Variants in CCL24 observed in about 807,000 individuals in gnomAD.
CCL24 encodes the protein C-C motif chemokine 24.
In CCL24, 6 loss-of-function variants were observed where a neutral mutation model predicts 8.6. The ratio of observed to expected loss-of-function variants is 0.70; its 90% confidence interval spans 0.38 to 1.38. CCL24 has a LOEUF of 1.38. CCL24 is among the 40% of genes most tolerant of loss of function. The pLI is 0.02. For synonymous variants in CCL24, 59 were observed against 52.7 expected, an observed-to-expected ratio of 1.12 and a Z score of -0.52; for missense variants, 126 against 147.1, an observed-to-expected ratio of 0.86 and a Z score of 0.74.
At chr7:75,822,501 CATCTT>C (rs1804070879) in intron 1 of CCL24, among the ~76,000 whole-genome samples, 2 of 152,160 alleles carry the variant, frequency 1.3e-5, no homozygotes, top group Admixed American at 6.6e-5. Flanking sequence ...CCTCTGAACT[CATCTT>C]ATCCTCTTAT....
Position 75,811,853 on chromosome 7 carries a change from C to T in CCL24, c.303G>A (p.Arg101=). Residue 101 remains arginine (R), a synonymous_variant, in exon 3 of 3, where the codon AGG becomes AGA. Transcript: ENST00000222902. The part of the protein sequence containing the change: ...AKQKKASPRA[R]AVAVKGPVQR... ...GGACAGGGCCCTTGACAGCCACTGCCCTGGCCCTAGGGGAAGCCTTCTTCT... is the reference window on the plus strand; with the variant it reads ...GGACAGGGCCCTTGACAGCCACTGCTCTGGCCCTAGGGGAAGCCTTCTTCT... The T allele has an allele frequency of 1.2e-6, 2 of 1,613,116 alleles. No individual in the cohort carries two copies. Among genetic ancestry groups the T allele is most frequent in the Non-Finnish European group, 1.7e-6 (2 of 1,179,904 alleles).
At chr7:75,818,122 C>A, upstream of CCL24, among the ~76,000 whole-genome samples, 1 of 152,122 alleles carries the variant, frequency 6.6e-6, no homozygotes. Context: ...TGAGCCACCT[C>A]ACCCAACCAA....
intron 1 of CCL24, among the ~76,000 whole-genome samples, chr7:75,818,829 G>A (rs1803950883): frequency 6.6e-6 from 1 of 151,902 alleles, no homozygotes; most frequent in Admixed American, 6.6e-5. Context: ...GGCCAGAGCG[G>A]CCTCTCCCCA....
Position 75,811,321 on chromosome 7 carries a change from A to G in CCL24, c.*475T>C, listed in dbSNP as rs1402672745. On this transcript the variant is annotated 3_prime_UTR_variant, in exon 3 of 3. Coordinates refer to ENST00000222902, the MANE Select transcript of CCL24 (RefSeq NM_002991.3). ...TGGTGAAACCTCATCTCTACTAAAA[A>G]TACAAAAGTTAGTTGGGTGTGGTGG... 6.6e-6 allele frequency among the ~76,000 whole-genome samples: 1 copy of G among 151,910 alleles called. No individual in the cohort carries two copies. Among genetic ancestry groups the G allele is most frequent in the Admixed American group, 6.6e-5 (1 of 15,220 alleles).
upstream of CCL24, among the ~76,000 whole-genome samples, chr7:75,818,304 G>A (rs964213443): frequency 2.0e-4 from 31 of 151,860 alleles, no homozygotes; most frequent in Middle Eastern, 3.2e-3. Flanking sequence ...AAAATTAGCT[G>A]GGCGTGGTGG....
upstream of CCL24, among the ~76,000 whole-genome samples, chr7:75,814,760 C>T (rs1335952710): frequency 6.6e-6 from 1 of 152,024 alleles, no homozygotes; most frequent in Non-Finnish European, 1.5e-5. Context: ...TGGAAATTCA[C>T]ATCCTCTGAG....
upstream of CCL24, among the ~76,000 whole-genome samples, chr7:75,814,410 A>T (rs1376141416): frequency 5.9e-5 from 9 of 152,058 alleles, no homozygotes; most frequent in South Asian, 4.2e-4. Flanking sequence ...TATAAAAAAT[A>T]AAAAAATTAG....
upstream of CCL24, among the ~76,000 whole-genome samples, chr7:75,817,275 G>A (rs1803912606): frequency 6.6e-6 from 1 of 152,066 alleles, no homozygotes; most frequent in African/African-American, 2.4e-5. Context: ...GGAGTGTGGT[G>A]TGTGGGGAGG....
At chr7:75,814,193 T>C (rs1049774508), upstream of CCL24, among the ~76,000 whole-genome samples, 8 of 152,126 alleles carry the variant, frequency 5.3e-5, no homozygotes, top group African/African-American at 1.7e-4. Flanking sequence ...CCCAATTATT[T>C]ATTAGGCATG....
At position 75,813,801 on chromosome 7, in the gene CCL24, C is replaced by A; in HGVS notation, c.-86G>T. ...TAGGGATAAATAGCTCGGGTCCTTG[C>A]AGAGTACCCCAAACTCCCTCCCTCT... On this transcript the variant is annotated 5_prime_UTR_variant, in exon 1 of 3. Transcript: ENST00000222902. 2 of 1,038,258 alleles carry A rather than the reference C, an allele frequency of 1.9e-6. No homozygotes were observed. Among genetic ancestry groups the A allele is most frequent in the East Asian group, 2.4e-5 (1 of 41,118 alleles). The allele number at this position is 1,038,258 out of a possible 1,614,324, so 64.3% of individuals were successfully genotyped here. A position where few individuals can be genotyped will look rare whatever the true frequency, so the allele number is the denominator to read the frequency against.
At chr7:75,813,467 C>T in intron 1 of CCL24, 44 bp from the exon 2 acceptor site, 1 of 1,458,490 alleles carries the variant, frequency 6.9e-7, no homozygotes, top group Non-Finnish European at 9.6e-7. Flanking sequence ...TCCCAGCCTC[C>T]CCTTGGCTCT....
intron 2 of CCL24, 149 bp from the exon 3 acceptor site, chr7:75,812,113 G>T: frequency 1.6e-6 from 1 of 627,864 alleles, no homozygotes; most frequent in Non-Finnish European, 2.8e-6. Flanking sequence ...TTGACACAGG[G>T]TCTCACTCTG....
At chr7:75,818,431 A>G (rs1172879747), upstream of CCL24, among the ~76,000 whole-genome samples, 7 of 143,090 alleles carry the variant, frequency 4.9e-5, no homozygotes, top group Admixed American at 5.1e-4. Context: ...TGGGTGACAG[A>G]GTGAGACTCC....
At position 75,813,661 on chromosome 7, in the gene CCL24, G is replaced by A; in HGVS notation, c.55C>T (p.His19Tyr). The A allele has an allele frequency of 6.2e-7, 1 of 1,613,770 alleles. No homozygotes were observed. Among genetic ancestry groups the A allele is most frequent in the East Asian group, 2.2e-5 (1 of 44,876 alleles). The stretch of plus-strand genomic sequence containing the variant: ...GTCTTACCCGTAGGGATGATGTGGT[G>A]GGCACAGACACCAAGGAACAGAAGG... ...TSLLFLGVCA[H>Y]HIIPTGSVVI... The change falls in exon 1 of 3, where the codon CAC (histidine) becomes TAC (tyrosine). Residue 19 changes from histidine (H) to tyrosine (Y), a missense_variant. Coordinates refer to ENST00000222902, the MANE Select transcript of CCL24 (RefSeq NM_002991.3).
At position 75,813,668 on chromosome 7, in the gene CCL24, G is replaced by C. The variant is rs1803826399; in HGVS notation, c.48C>G (p.Val16=). The C allele has an allele frequency of 6.2e-7, 1 of 1,613,972 alleles. No homozygotes were observed. Among genetic ancestry groups the C allele is most frequent in the Non-Finnish European group, 8.5e-7 (1 of 1,179,830 alleles). The change falls in exon 1 of 3, where the codon GTC becomes GTG. Residue 16 remains valine, a synonymous_variant. Transcript: ENST00000222902. ...CCGTAGGGATGATGTGGTGGGCACAGACACCAAGGAACAGAAGGCTGGTTA... is the reference window on the plus strand; with the variant it reads ...CCGTAGGGATGATGTGGTGGGCACACACACCAAGGAACAGAAGGCTGGTTA... The part of the protein sequence containing the change: ...TIVTSLLFLG[V]CAHHIIPTGS...
intron 1 of CCL24, among the ~76,000 whole-genome samples, chr7:75,821,423 G>T (rs1228176918): frequency 2.0e-5 from 3 of 152,198 alleles, no homozygotes; most frequent in Admixed American, 6.6e-5. Flanking sequence ...TGGATTTGAG[G>T]ATTACTCAGG....
intron 1 of CCL24, among the ~76,000 whole-genome samples, chr7:75,821,580 G>C (rs782579503): frequency 8.5e-5 from 13 of 152,136 alleles, no homozygotes; most frequent in Non-Finnish European, 1.9e-4. Context: ...GCTTCCAGGG[G>C]TTCTGGTAGA....
At chr7:75,820,025 CTTCTTCTTCT>C (rs1563353746) in intron 1 of CCL24, among the ~76,000 whole-genome samples, 36 of 104,980 alleles carry the variant, frequency 3.4e-4, no homozygotes, top group Admixed American at 1.1e-3. Context: ...ACTACTTCTT[CTTCTTCTTCT>C]TCTTCTTCTT....
chr7:75,821,756 G>A (rs918971296), intron 1 of CCL24, among the ~76,000 whole-genome samples: 51 of 151,906 alleles, frequency 3.4e-4, no homozygotes, highest in African/African-American at 1.1e-3. Flanking sequence ...GAGAAACCCC[G>A]TCTCTACTAA....
Sources: allele counts gnomAD v4.1 joint callset (sites outside exome capture counted in the v4.1 genomes callset), GRCh38; gene constraint gnomAD v4.1.1; transcripts MANE v1.5; gene names NCBI Gene and HGNC (gene_info 2026-07-23, HGNC 2026-07-21).